Variants in NPC1L1 observed in about 807,000 individuals in gnomAD.
NPC1L1 encodes NPC1 like intracellular cholesterol transporter 1, also known as NPC1-like intracellular cholesterol transporter 1.
In NPC1L1, 98 loss-of-function variants were observed where a neutral mutation model predicts 117.0. That is an observed-to-expected ratio of 0.84 (90% CI 0.71 to 0.99). The LOEUF is 0.99. NPC1L1 is among the 50% of genes least tolerant of loss of function. NPC1L1 has a pLI of 0.00. For missense variants in NPC1L1, 1,540 were observed against 1,710.0 expected (o/e 0.90, Z 1.75); for synonymous variants, 729 against 727.6 (o/e 1.00, Z -0.03).
intron 14 of NPC1L1, among the ~76,000 whole-genome samples, chr7:44,518,172 G>A (rs894286897): frequency 6.6e-6 from 1 of 151,440 alleles, no homozygotes; most frequent in Non-Finnish European, 1.5e-5. Context: ...AGGGTTTTTT[G>A]TTCTTGTTTT....
At chr7:44,521,621 G>A in intron 12 of NPC1L1, 91 bp downstream of exon 12, 1 of 1,598,582 alleles carries the variant, frequency 6.3e-7, no homozygotes, top group East Asian at 2.2e-5. Flanking sequence ...GCGTGGGAGA[G>A]GTTGAGGGAG....
chr7:44,513,306 CA>C lies in NPC1L1; in HGVS notation c.*140del. 1.2e-6 allele frequency: 1 copy of C among 803,432 alleles called. No individual in the cohort carries two copies. The highest frequency in any genetic ancestry group is 2.1e-6 in the Non-Finnish European group (1 of 475,558). The allele number at this position is 803,432 out of a possible 1,614,324, so 49.8% of individuals were successfully genotyped here. A position where few individuals can be genotyped will look rare whatever the true frequency, so the allele number is the denominator to read the frequency against. On this transcript the variant is annotated 3_prime_UTR_variant, in exon 19 of 19. Coordinates refer to ENST00000381160, the MANE Select transcript of NPC1L1 (RefSeq NM_001101648.2). Reference sequence around the variant, plus strand: ...CTGCCTGGATACCTCAAGAGCAGGCCATCCTCCAGTGACAGGCAGTCTCATG... The same window carrying C: ...CTGCCTGGATACCTCAAGAGCAGGCCTCCTCCAGTGACAGGCAGTCTCATG...
intron 5 of NPC1L1, 62 bp downstream of exon 5, chr7:44,535,778 C>T: frequency 1.2e-6 from 2 of 1,609,018 alleles, no homozygotes; most frequent in Non-Finnish European, 1.7e-6. Flanking sequence ...TTGTAGAAGG[C>T]CTACTGAAGA....
rs114737991 is a variant in NPC1L1, at chr7:44,534,536, G to A, written c.2077C>T (p.Arg693Cys). ...AMGFFSYLGIRSSLVILQVVP... is the reference protein window; with the variant it reads ...AMGFFSYLGICSSLVILQVVP... ...ACTTGCAGGATGACCAGGGAGGAGC[G>A]GATACCCAAGTAGGAGAAGAAGCCC... The change falls in exon 6 of 19, where the codon CGC (arginine) becomes TGC (cysteine). Residue 693 changes from arginine to cysteine, a missense_variant. Arg to Cys is a radical substitution (Grantham distance 180). This residue lies in a region of NPC1L1 where 742 missense variants were observed against 873.6 expected (regional missense o/e 0.85). Transcript: ENST00000381160. This position sits in a 1 kb window ranked among gnomAD's most constrained non-coding sequence, Gnocchi z 5.2. 440 of 1,614,158 alleles carry A rather than the reference G, an allele frequency of 2.7e-4. 1 individual carries two copies. In the African/African-American group the frequency reaches 4.3e-3, roughly 16 times the overall value.
chr7:44,528,527 C>T (rs1007147266), intron 10 of NPC1L1, among the ~76,000 whole-genome samples: 1 of 152,152 alleles, frequency 6.6e-6, no homozygotes, highest in African/African-American at 2.4e-5. Context: ...AACTTCAGCA[C>T]ATTTAAGATA....
chr7:44,525,265 T>A (rs1801476007), intron 10 of NPC1L1, among the ~76,000 whole-genome samples: 2 of 145,220 alleles, frequency 1.4e-5, no homozygotes, highest in African/African-American at 5.1e-5. Context: ...GATATTATAA[T>A]TTTTTTTTTT....
chr7:44,516,288 G>T, intron 16 of NPC1L1, 91 bp from the exon 17 acceptor site: 1 of 1,087,528 alleles, frequency 9.2e-7, no homozygotes, highest in Non-Finnish European at 1.4e-6. Context: ...GCGTGGGGCA[G>T]GCATCTAGAT....
intron 15 of NPC1L1, 100 bp downstream of exon 15, chr7:44,517,107 G>C (rs937617796): frequency 6.5e-7 from 1 of 1,544,016 alleles, no homozygotes. Context: ...CCTAAAACTG[G>C]TCCTCATCTC....
chr7:44,525,746 T>C (rs562497997), intron 10 of NPC1L1, among the ~76,000 whole-genome samples: 1 of 152,174 alleles, frequency 6.6e-6, no homozygotes, highest in African/African-American at 2.4e-5. Flanking sequence ...ATAAGTTTTT[T>C]AAAAAATAGA....
rs754793028 is a variant in NPC1L1 at position 44,539,694 on chromosome 7, G to A, written c.703C>T (p.Pro235Ser). Reference sequence around the variant, plus strand: ...CAACGTGCAACCCCCTCATTCAGAGGCTGAATCCCACTCCCCACGGCCTGG... The same window carrying A: ...CAACGTGCAACCCCCTCATTCAGAGACTGAATCCCACTCCCCACGGCCTGG... Reference protein sequence around the residue: ...PGQAVGSGIQPLNEGVARCNE... With the variant: ...PGQAVGSGIQSLNEGVARCNE... Residue 235 changes from proline (P) to serine (S), a missense_variant, in exon 2 of 19, where the codon CCT becomes TCT. Coordinates refer to ENST00000381160, the MANE Select transcript of NPC1L1 (RefSeq NM_001101648.2). This position sits in a 1 kb window ranked among gnomAD's most constrained non-coding sequence, Gnocchi z 4.4. 3 of 1,613,926 alleles carry A rather than the reference G, an allele frequency of 1.9e-6. No homozygotes were observed. The highest frequency in any genetic ancestry group is 2.7e-5 in the African/African-American group (2 of 74,942).
chr7:44,536,436 A>T lies in NPC1L1; in HGVS notation c.1682-8T>A. The T allele has an allele frequency of 3.7e-6, 6 of 1,610,270 alleles. No homozygotes were observed. Among genetic ancestry groups the T allele is most frequent in the African/African-American group, 1.3e-5 (1 of 75,012 alleles). ...CCTCAGAATAGTCCTTTCCTGGGAT[A>T]AGAAATACTCAGACCCTTCCTGCTG... On this transcript the variant is annotated splice_region_variant and splice_polypyrimidine_tract_variant and intron_variant, in intron 3 of 18. Coordinates refer to ENST00000381160, the MANE Select transcript of NPC1L1 (RefSeq NM_001101648.2). The surrounding 1 kb of genome is among the most constrained non-coding windows in gnomAD (Gnocchi z 4.7).
At chr7:44,528,591 T>C (rs1258369545) in intron 10 of NPC1L1, among the ~76,000 whole-genome samples, 1 of 151,692 alleles carries the variant, frequency 6.6e-6, no homozygotes, top group Non-Finnish European at 1.5e-5. Flanking sequence ...CAAAAGAAAA[T>C]GAGAAGGAAA....
rs139036479 is a variant in NPC1L1, at chr7:44,539,673, G to C, written c.724C>G (p.Arg242Gly). The change falls in exon 2 of 19, where the codon CGT becomes GGT. Residue 242 changes from arginine to glycine, a missense_variant. Arg to Gly is a moderately radical substitution (Grantham distance 125). Transcript: ENST00000381160. This position sits in a 1 kb window ranked among gnomAD's most constrained non-coding sequence, Gnocchi z 4.4. ...TCGTCACCTTGGGACTCATTGCAAC[G>C]TGCAACCCCCTCATTCAGAGGCTGA... ...GIQPLNEGVA[R>G]CNESQGDDVA... is the part of the protein sequence containing the mutation. The C allele has an allele frequency of 6.2e-7, 1 of 1,613,960 alleles. No individual in the cohort carries two copies.
At position 44,516,200 on chromosome 7, in the gene NPC1L1, A is replaced by C; in HGVS notation, c.3520-3T>G. On this transcript the variant is annotated splice_polypyrimidine_tract_variant and splice_region_variant and intron_variant, in intron 16 of 18. Transcript: ENST00000381160. ...AACTCCACAGACATGCCCACCGCCT[A>C]TGGGCAGAGAGGGGGCATAAGCCAA... 1 of 1,596,006 alleles carries C rather than the reference A, an allele frequency of 6.3e-7. No individual in the cohort carries two copies. The highest frequency in any genetic ancestry group is 8.5e-7 in the Non-Finnish European group (1 of 1,170,542).
At chr7:44,530,108 C>G (rs1801650467) in intron 10 of NPC1L1, among the ~76,000 whole-genome samples, 1 of 150,804 alleles carries the variant, frequency 6.6e-6, no homozygotes. Flanking sequence ...GAGGCCAGGG[C>G]TGGTGGATCA....
intron 4 of NPC1L1, 29 bp from the exon 5 acceptor site, chr7:44,535,997 C>G: frequency 6.2e-7 from 1 of 1,612,360 alleles, no homozygotes. Flanking sequence ...CCAGCCCCCA[C>G]TGACCGTGCC....
rs1325149430 is a variant in NPC1L1, at chr7:44,536,859, G to C, written c.1664C>G (p.Ala555Gly). Residue 555 changes from alanine to glycine, a missense_variant, in exon 3 of 19, where the codon GCC becomes GGC. Ala to Gly is a moderately conservative substitution (Grantham distance 60). This residue lies in a region of NPC1L1 where 793 missense variants were observed against 820.4 expected (regional missense o/e 0.97). Transcript: ENST00000381160. The surrounding 1 kb of genome is among the most constrained non-coding windows in gnomAD (Gnocchi z 4.7). The part of the protein sequence containing the change: ...DYGAPVFPFL[A>G]IGGYKGKDYS... ...TAGCTTACCTTTGTACCCCCCAATG[G>C]CAAGGAAGGGGAAGACAGGGGCCCC... is the stretch of plus-strand genomic sequence containing the variant. The C allele has an allele frequency of 6.2e-7, 1 of 1,613,952 alleles. No individual in the cohort carries two copies. The highest frequency in any genetic ancestry group is 8.5e-7 in the Non-Finnish European group (1 of 1,179,852).
chr7:44,539,734 G>A lies in NPC1L1; in HGVS notation c.663C>T (p.His221=), dbSNP rs1009518211. ...CCACGGCCTGGCCAGGCTCCAAGAG[G>A]TGGAAGGTGATGTCCAGTGGGGCCA... ...NGLAPLDITF[H]LLEPGQAVGS... Residue 221 remains histidine, a synonymous_variant, in exon 2 of 19, where the codon CAC becomes CAT. Coordinates refer to ENST00000381160, the MANE Select transcript of NPC1L1 (RefSeq NM_001101648.2). This position sits in a 1 kb window ranked among gnomAD's most constrained non-coding sequence, Gnocchi z 4.4. 2.5e-6 allele frequency: 4 copies of A among 1,614,064 alleles called. No homozygotes were observed. In the African/African-American group the frequency reaches 4.0e-5, roughly 16 times the overall value.
At position 44,515,963 on chromosome 7, in the gene NPC1L1, C is replaced by T. The variant is rs745487975; in HGVS notation, c.3636G>A (p.Val1212=). ...KEATISMGSA[V]FAGVAMTNLP... Reference sequence around the variant, plus strand: ...GGTTGGTCATGGCCACACCTGCAAACACCTGGGGGGTTCAGAGCCAGGTGT... The same window carrying T: ...GGTTGGTCATGGCCACACCTGCAAATACCTGGGGGGTTCAGAGCCAGGTGT... The change falls in exon 18 of 19, where the codon GTG becomes GTA. Residue 1212 remains valine (V), a splice_region_variant and synonymous_variant. Transcript: ENST00000381160. The T allele has an allele frequency of 1.2e-6, 2 of 1,613,936 alleles. No homozygotes were observed. Among genetic ancestry groups the T allele is most frequent in the South Asian group, 1.1e-5 (1 of 91,038 alleles).
Sources: allele counts gnomAD v4.1 joint callset (sites outside exome capture counted in the v4.1 genomes callset), GRCh38; gene constraint gnomAD v4.1.1; regional missense constraint gnomAD v4.1.1; non-coding constraint Gnocchi (gnomAD v3.1); transcripts MANE v1.5; gene names NCBI Gene and HGNC (gene_info 2026-07-23, HGNC 2026-07-21).